The following ATP7B variants were observed in gnomAD, a reference collection of about 807,000 sequenced individuals.
ATP7B encodes the protein copper-transporting ATPase 2.
ATP7B carries 113 observed loss-of-function variants against 118.9 expected under a neutral mutation model. The observed-to-expected ratio is 0.95, with a 90% confidence interval of 0.82 to 1.11. The LOEUF is 1.11. Ranked by LOEUF, ATP7B falls within the 50% of genes most tolerant of loss-of-function variation. The probability of loss-of-function intolerance (pLI) is 0.00; values close to 1 mark genes in which losing one functional copy is unlikely to be tolerated. For synonymous variants in ATP7B, 777 were observed against 727.4 expected, an observed-to-expected ratio of 1.07 and a Z score of -1.10; for missense variants, 1,867 against 1,871.4, an observed-to-expected ratio of 1.00 and a Z score of 0.04.
intron 1 of ATP7B, among the ~76,000 whole-genome samples, chr13:51,992,979 C>CAAAAAAAAAAA (rs58319382): frequency 1.9e-4 from 12 of 62,922 alleles, no homozygotes; most frequent in East Asian, 5.6e-4. Flanking sequence ...GACTCTGTCT[C>CAAAAAAAAAAA]AAAAAAAAAA....
chr13:51,960,104 A>G, intron 7 of ATP7B, 44 bp downstream of exon 7: 1 of 1,592,842 alleles, frequency 6.3e-7, no homozygotes, highest in Non-Finnish European at 8.6e-7. Flanking sequence ...TGAGGGCCAC[A>G]CACAGCATGG....
rs182653713 is a variant in ATP7B at position 51,960,275 on chromosome 13, A to C, written c.1994T>G (p.Met665Arg). ...LCSLVFGIPV[M>R]ALMIYMLIPS... Reference sequence around the variant, plus strand: ...TATCAGCATATAGATCATTAAGGCCATGACAGGGATGCCAAACACCAGGCT... The same window carrying C: ...TATCAGCATATAGATCATTAAGGCCCTGACAGGGATGCCAAACACCAGGCT... The change falls in exon 7 of 21, where the codon ATG becomes AGG. Residue 665 changes from methionine to arginine, a missense_variant. Transcript: ENST00000242839. 1.9e-6 allele frequency: 3 copies of C among 1,613,944 alleles called. No individual in the cohort carries two copies. Among genetic ancestry groups the C allele is most frequent in the Non-Finnish European group, 2.5e-6 (3 of 1,179,860 alleles).
chr13:51,992,979 CAAA>C (rs58319382), intron 1 of ATP7B, among the ~76,000 whole-genome samples: 7 of 62,940 alleles, frequency 1.1e-4, no homozygotes, highest in East Asian at 1.1e-3. Context: ...GACTCTGTCT[CAAA>C]AAAAAAAAAA....
At chr13:52,003,862 G>A (rs1374984621) in intron 1 of ATP7B, among the ~76,000 whole-genome samples, 1 of 152,190 alleles carries the variant, frequency 6.6e-6, no homozygotes, top group African/African-American at 2.4e-5. Context: ...GTTTTACATA[G>A]TAAAATCTTC....
intron 1 of ATP7B, among the ~76,000 whole-genome samples, chr13:52,009,057 TG>T (rs1354209547): frequency 6.6e-6 from 1 of 152,066 alleles, no homozygotes; most frequent in African/African-American, 2.4e-5. Flanking sequence ...CTTTTTTTTT[TG>T]TATAAACGAT....
intron 1 of ATP7B, chr13:51,995,442 T>C (rs1953157498): frequency 1.5e-6 from 1 of 659,698 alleles, no homozygotes; most frequent in Admixed American, 6.3e-5. Flanking sequence ...GGGCTCTTCC[T>C]AAAGGACCAC....
chr13:51,951,995 G>C (rs1958036740), intron 9 of ATP7B, among the ~76,000 whole-genome samples: 1 of 152,230 alleles, frequency 6.6e-6, no homozygotes, highest in South Asian at 2.1e-4. Flanking sequence ...GGCTCAACTA[G>C]AATGGGCTGA....
intron 1 of ATP7B, among the ~76,000 whole-genome samples, chr13:52,006,312 GTC>G (rs1022888051): frequency 3.9e-5 from 6 of 152,166 alleles, no homozygotes; most frequent in African/African-American, 1.4e-4. Context: ...GAAAATGTGT[GTC>G]ACGTAAAGAA....
At chr13:51,991,389 G>T (rs554075977) in intron 1 of ATP7B, among the ~76,000 whole-genome samples, 1 of 152,106 alleles carries the variant, frequency 6.6e-6, no homozygotes, top group Non-Finnish European at 1.5e-5. Context: ...TAGGGTGGGA[G>T]GATCACTGAT....
intron 3 of ATP7B, among the ~76,000 whole-genome samples, chr13:51,969,666 G>A (rs995189514): frequency 1.3e-5 from 2 of 152,172 alleles, no homozygotes; most frequent in East Asian, 1.9e-4. Context: ...GGATAAAAAT[G>A]AGGATTCAAG....
At chr13:51,973,606 G>T (rs1370659140) in intron 2 of ATP7B, among the ~76,000 whole-genome samples, 3 of 152,202 alleles carry the variant, frequency 2.0e-5, no homozygotes, top group African/African-American at 7.2e-5. Flanking sequence ...GCTCTCACCA[G>T]ATGTGGCCCT....
intron 1 of ATP7B, among the ~76,000 whole-genome samples, chr13:51,981,392 C>T (rs1378284393): frequency 2.0e-5 from 3 of 152,180 alleles, no homozygotes; most frequent in Admixed American, 2.0e-4. Flanking sequence ...TATCCACACT[C>T]GCTCCACTTT....
chr13:51,941,090 C>T lies in ATP7B; in HGVS notation c.3547G>A (p.Ala1183Thr), dbSNP rs2138775370. ...CAGAAGCAGAAGATACCGTCAATAG[C>T]CACCAGGATGGCTGTCTGTCCTTTC... ...EMKGQTAILV[A>T]IDGVLCGMIA... Residue 1183 changes from alanine to threonine, a missense_variant, in exon 16 of 21, where the codon GCT (alanine) becomes ACT (threonine). By Grantham distance (58) the Ala-to-Thr change is moderately conservative. Transcript: ENST00000242839. 2 of 1,614,172 alleles carry T rather than the reference C, an allele frequency of 1.2e-6. No individual in the cohort carries two copies. Among genetic ancestry groups the T allele is most frequent in the Non-Finnish European group, 1.7e-6 (2 of 1,179,998 alleles).
At chr13:51,995,472 G>T in intron 1 of ATP7B, 1 of 415,108 alleles carries the variant, frequency 2.4e-6, no homozygotes, top group Non-Finnish European at 3.2e-6. Context: ...ACAGACAGCA[G>T]GGTCACATGT....
intron 13 of ATP7B, among the ~76,000 whole-genome samples, chr13:51,945,693 C>T (rs541515683): frequency 1.3e-5 from 2 of 152,322 alleles, no homozygotes; most frequent in African/African-American, 4.8e-5. Flanking sequence ...GTCTTTCCCC[C>T]TGGTGGGCTC....
At chr13:52,009,421 A>G (rs1953921876) in intron 1 of ATP7B, among the ~76,000 whole-genome samples, 1 of 152,152 alleles carries the variant, frequency 6.6e-6, no homozygotes, top group Admixed American at 6.5e-5. Context: ...CATCTACATA[A>G]GACCACCTTT....
chr13:51,985,446 A>G (rs1204215975), intron 1 of ATP7B, among the ~76,000 whole-genome samples: 1 of 151,224 alleles, frequency 6.6e-6, no homozygotes, highest in Non-Finnish European at 1.5e-5. Context: ...AAAAAGACTT[A>G]GACTTCCACA....
chr13:51,950,503 G>C (rs1192071530), intron 9 of ATP7B, 104 bp from the exon 10 acceptor site: 7 of 1,492,152 alleles, frequency 4.7e-6, no homozygotes, highest in Non-Finnish European at 6.5e-6. Flanking sequence ...CTTATACTGA[G>C]CAACAGTATT....
chr13:51,998,275 C>G (rs1953314379), intron 1 of ATP7B, among the ~76,000 whole-genome samples: 1 of 152,174 alleles, frequency 6.6e-6, no homozygotes, highest in Non-Finnish European at 1.5e-5. Context: ...GTTACTGATG[C>G]CTATGGGCAT....
Sources: allele counts gnomAD v4.1 joint callset (sites outside exome capture counted in the v4.1 genomes callset), GRCh38; gene constraint gnomAD v4.1.1; transcripts MANE v1.5; gene names NCBI Gene and HGNC (gene_info 2026-07-23, HGNC 2026-07-21).